PCDHA8: variants seen among roughly 807,000 people sequenced by gnomAD.
PCDHA8 encodes protocadherin alpha 8.
In PCDHA8, 53 loss-of-function variants were observed where a neutral mutation model predicts 61.8. The observed-to-expected ratio is 0.86, with a 90% CI of 0.69 to 1.08. The LOEUF (loss-of-function observed/expected upper bound fraction) is 1.08, where lower values mean the gene tolerates loss of function less well. Among genes scored for constraint, PCDHA8 ranks in the 50% least tolerant of loss-of-function variants. The probability of loss-of-function intolerance (pLI) is 0.00; values close to 1 mark genes in which losing one functional copy is unlikely to be tolerated. For synonymous variants in PCDHA8, 618 were observed against 556.6 expected (o/e 1.11, Z -1.55); for missense variants, 1,293 against 1,245.0 (o/e 1.04, Z -0.58).
At chr5:140,863,397 C>T in intron 1 of PCDHA8, 1 of 873,170 alleles carries the variant, frequency 1.1e-6, no homozygotes, top group Admixed American at 1.9e-5. Flanking sequence ...GCATGCCGGG[C>T]AAGCCCACGC....
chr5:140,849,843 G>C (rs2150453087), intron 1 of PCDHA8: 3 of 1,598,500 alleles, frequency 1.9e-6, no homozygotes, highest in Non-Finnish European at 1.7e-6. Flanking sequence ...CGACGTGAAC[G>C]ACAACGCACC....
intron 1 of PCDHA8, among the ~76,000 whole-genome samples, chr5:140,916,356 G>A (rs2077538770): frequency 6.6e-6 from 1 of 152,202 alleles, no homozygotes; most frequent in Admixed American, 6.5e-5. Context: ...TCAAACAGAA[G>A]GAGTCTTTCA....
intron 3 of PCDHA8, among the ~76,000 whole-genome samples, chr5:140,983,005 A>G (rs1468544114): frequency 2.0e-5 from 3 of 152,110 alleles, no homozygotes; most frequent in African/African-American, 4.8e-5. Flanking sequence ...AAAGAAAGAA[A>G]AAGGAAGGAA....
chr5:140,882,676 C>T (rs1458440894), intron 1 of PCDHA8: 18 of 1,614,060 alleles, frequency 1.1e-5, no homozygotes, highest in Admixed American at 3.3e-5. Context: ...TCCCTGAAAG[C>T]AAGAAACGAA....
At chr5:140,850,671 A>T in intron 1 of PCDHA8, 1 of 1,598,160 alleles carries the variant, frequency 6.3e-7, no homozygotes, top group Non-Finnish European at 8.6e-7. Context: ...GTGCTCGGCG[A>T]TGCCCACCGA....
chr5:140,870,318 G>A (rs372041974), intron 1 of PCDHA8: 11 of 1,614,060 alleles, frequency 6.8e-6, no homozygotes, highest in African/African-American at 4.0e-5. Flanking sequence ...ATTACTACTC[G>A]TTGGTGCTGG....
At position 140,843,135 on chromosome 5, in the gene PCDHA8, C is replaced by T. The variant is rs2150353649; in HGVS notation, c.1814C>T (p.Ala605Val). 5 of 1,596,024 alleles carry T rather than the reference C, an allele frequency of 3.1e-6. No individual in the cohort carries two copies. The highest frequency in any genetic ancestry group is 3.4e-6 in the Non-Finnish European group (4 of 1,165,590). The change falls in exon 1 of 4, where the codon GCG (alanine) becomes GTG (valine). Residue 605 changes from alanine (A) to valine (V), a missense_variant. Ala to Val is a moderately conservative substitution (Grantham distance 64). Transcript: ENST00000531613. ...GTGGACGCCGACTCGGGCTACAACG[C>T]GTGGCTTTCGTATGAGCTGCAGCCA... ...RAVDADSGYN[A>V]WLSYELQPAA...
intron 3 of PCDHA8, among the ~76,000 whole-genome samples, chr5:140,982,886 G>A (rs1310342145): frequency 1.3e-5 from 2 of 152,114 alleles, no homozygotes; most frequent in Admixed American, 6.6e-5. Flanking sequence ...GCCATGCAGA[G>A]AAGATCTGGT....
rs2150372271 is a variant in PCDHA8, at chr5:140,844,591, T to C, written c.2394+876T>C. ...TAATATTCCACATTAAAGTGATATT[T>C]AATATATGACTTAGAAAAATGTTTT... On this transcript the variant is annotated intron_variant, in intron 1 of 3. Transcript: ENST00000531613. Among the ~76,000 whole-genome samples the C allele has an allele frequency of 8.0e-5, 12 of 149,484 alleles. 2 individuals carry two copies. Among genetic ancestry groups the C allele is most frequent in the Non-Finnish European group, 1.6e-4 (11 of 66,840 alleles).
chr5:140,841,745 G>C lies in PCDHA8; in HGVS notation c.424G>C (p.Val142Leu). 6.2e-7 allele frequency: 1 copy of C among 1,613,898 alleles called. No individual in the cohort carries two copies. Among genetic ancestry groups the C allele is most frequent in the Non-Finnish European group, 8.5e-7 (1 of 1,179,872 alleles). ...CCGGGTAAAAGACCAAAAGCTGTTTGTTTCAGAATCCAGAATGCCAGACTC... is the reference window on the plus strand; with the variant it reads ...CCGGGTAAAAGACCAAAAGCTGTTTCTTTCAGAATCCAGAATGCCAGACTC... ...VFRVKDQKLF[V>L]SESRMPDSRF... The change falls in exon 1 of 4, where the codon GTT (valine) becomes CTT (leucine). Residue 142 changes from valine (V) to leucine (L), a missense_variant. Coordinates refer to ENST00000531613, the MANE Select transcript of PCDHA8 (RefSeq NM_018911.3).
chr5:140,978,834 C>A (rs1294349430), intron 1 of PCDHA8, 115 bp from the exon 2 acceptor site: 3 of 1,546,580 alleles, frequency 1.9e-6, no homozygotes, highest in Non-Finnish European at 2.6e-6. Context: ...ATGGCTCATT[C>A]AATACTTTTT....
rs781938191 is a variant in PCDHA8 at position 140,871,499 on chromosome 5, GT to G, written c.2394+27788del. 14 of 1,584,318 alleles carry G rather than the reference GT, an allele frequency of 8.8e-6. No individual in the cohort carries two copies. In the East Asian group the frequency reaches 2.7e-4, roughly 31 times the overall value. On this transcript the variant is annotated intron_variant, in intron 1 of 3. Coordinates refer to ENST00000531613, the MANE Select transcript of PCDHA8 (RefSeq NM_018911.3). ...GGGTCAAATCACCCCGGACAGGTGAGTTTTCTACAGATTCCACCTATCAGGA... is the reference window on the plus strand; with the variant it reads ...GGGTCAAATCACCCCGGACAGGTGAGTTTCTACAGATTCCACCTATCAGGA...
At chr5:140,967,972 G>A (rs781888174) in intron 1 of PCDHA8, 88 of 1,614,072 alleles carry the variant, frequency 5.5e-5, no homozygotes, top group Non-Finnish European at 7.3e-5. Flanking sequence ...AAGTGAGCCT[G>A]GGTCTGGAGG....
intron 1 of PCDHA8, chr5:140,850,230 G>T (rs2150474720): frequency 6.3e-7 from 1 of 1,594,052 alleles, no homozygotes; most frequent in South Asian, 1.1e-5. Flanking sequence ...CGCAGTGAGC[G>T]AGATGGTGCT....
At chr5:140,891,100 G>T (rs544877951) in intron 1 of PCDHA8, among the ~76,000 whole-genome samples, 1 of 152,206 alleles carries the variant, frequency 6.6e-6, no homozygotes, top group East Asian at 1.9e-4. Context: ...TTGCTGTCAA[G>T]AATTTAGCTG....
intron 1 of PCDHA8, among the ~76,000 whole-genome samples, chr5:140,872,922 T>C (rs1468048382): frequency 6.6e-6 from 1 of 152,218 alleles, no homozygotes; most frequent in African/African-American, 2.4e-5. Flanking sequence ...ATGCCTTATC[T>C]CTAATGTTTT....
chr5:140,971,050 C>G (rs2096454255), intron 1 of PCDHA8, among the ~76,000 whole-genome samples: 1 of 152,146 alleles, frequency 6.6e-6, no homozygotes, highest in South Asian at 2.1e-4. Context: ...AAGGGTTTAG[C>G]TTTAAATAAG....
At position 140,843,615 on chromosome 5, in the gene PCDHA8, C is replaced by G. The variant is rs111750019; in HGVS notation, c.2294C>G (p.Pro765Arg). ...PQRVCSGEGP[P>R]KTDLMAFSPC... ...AGGGTGTGCTCTGGTGAGGGGCCAC[C>G]GAAGACGGACCTCATGGCCTTCAGC... Residue 765 changes from proline to arginine, a missense_variant, in exon 1 of 4, where the codon CCG (proline) becomes CGG (arginine). Coordinates refer to ENST00000531613, the MANE Select transcript of PCDHA8 (RefSeq NM_018911.3). The G allele has an allele frequency of 2.1e-5, 33 of 1,595,902 alleles. 4 individuals are homozygous for G. Among genetic ancestry groups the G allele is most frequent in the Middle Eastern group, 3.3e-4 (2 of 6,016 alleles).
At chr5:140,982,807 G>A (rs2097006971) in intron 3 of PCDHA8, among the ~76,000 whole-genome samples, 2 of 152,048 alleles carry the variant, frequency 1.3e-5, no homozygotes, top group South Asian at 4.1e-4. Flanking sequence ...GTGTGTGTGT[G>A]TGTATGAAGT....
Sources: gnomAD v4.1 joint callset for allele counts (sites outside exome capture counted in the v4.1 genomes callset) on GRCh38, gnomAD v4.1.1 for gene constraint, MANE v1.5 for transcripts, NCBI Gene and HGNC (gene_info 2026-07-23, HGNC 2026-07-21) for gene names.